The following SLC24A2 variants were observed in gnomAD, a reference collection of about 807,000 sequenced individuals.
The protein encoded by SLC24A2 is solute carrier family 24 member 2, also known as sodium/potassium/calcium exchanger 2.
A neutral mutation model predicts 62.0 loss-of-function variants in SLC24A2; 36 were observed. The observed-to-expected ratio is 0.58, with a 90% CI of 0.44 to 0.77. SLC24A2 has a LOEUF of 0.77. Among genes scored for constraint, SLC24A2 ranks in the 30% least tolerant of loss-of-function variants. The pLI is 0.00. For missense variants in SLC24A2, 846 were observed against 817.9 expected, an observed-to-expected ratio of 1.03 and a Z score of -0.42; for synonymous variants, 358 against 294.0, an observed-to-expected ratio of 1.22 and a Z score of -2.23.
chr9:19,544,103 T>G (rs1476313182), intron 8 of SLC24A2, among the ~76,000 whole-genome samples: 3 of 152,070 alleles, frequency 2.0e-5, no homozygotes, highest in African/African-American at 7.2e-5. Context: ...CCTTATGAAC[T>G]TGGATGCTCC....
chr9:20,080,257 T>C, the SLC24A2 span, among the ~76,000 whole-genome samples: 1 of 152,216 alleles, frequency 6.6e-6, no homozygotes, highest in Non-Finnish European at 1.5e-5. Flanking sequence ...AAAAACAGCA[T>C]GGTACTGTTA....
At chr9:20,247,910 T>A in the SLC24A2 span, among the ~76,000 whole-genome samples, 1 of 152,322 alleles carries the variant, frequency 6.6e-6, no homozygotes, top group Middle Eastern at 3.4e-3. Context: ...ATAATAATAA[T>A]ACCTCCTGCT....
the SLC24A2 span, among the ~76,000 whole-genome samples, chr9:19,879,558 G>A: frequency 6.6e-6 from 1 of 152,120 alleles, no homozygotes; most frequent in African/African-American, 2.4e-5. Context: ...TATCTGAATA[G>A]TAATTTTTTC....
At chr9:20,181,847 C>T in the SLC24A2 span, among the ~76,000 whole-genome samples, 1 of 152,290 alleles carries the variant, frequency 6.6e-6, no homozygotes, top group South Asian at 2.1e-4. Context: ...AATGAATAGG[C>T]AACCTATAGA....
chr9:20,069,119 T>A, the SLC24A2 span, among the ~76,000 whole-genome samples: 1 of 152,206 alleles, frequency 6.6e-6, no homozygotes, highest in African/African-American at 2.4e-5. Context: ...TATCCTTGAC[T>A]TTTTCTTCTC....
At chr9:19,544,496 TGTTA>T (rs1254458089) in intron 8 of SLC24A2, among the ~76,000 whole-genome samples, 1 of 152,156 alleles carries the variant, frequency 6.6e-6, no homozygotes, top group Non-Finnish European at 1.5e-5. Flanking sequence ...TTATTTTGCC[TGTTA>T]GTTGATGTTG....
intron 4 of SLC24A2, among the ~76,000 whole-genome samples, chr9:19,612,946 T>C (rs1837218612): frequency 6.6e-6 from 1 of 152,212 alleles, no homozygotes; most frequent in African/African-American, 2.4e-5. Context: ...ATGGAGAGAA[T>C]GGCTTTGGAA....
the SLC24A2 span, among the ~76,000 whole-genome samples, chr9:20,285,614 C>A: frequency 1.3e-5 from 2 of 152,206 alleles, no homozygotes; most frequent in African/African-American, 2.4e-5. Flanking sequence ...TGCTTTACTC[C>A]ATCTACCAAT....
At chr9:19,727,366 G>A (rs902730969) in intron 2 of SLC24A2, among the ~76,000 whole-genome samples, 2 of 152,120 alleles carry the variant, frequency 1.3e-5, no homozygotes, top group Non-Finnish European at 2.9e-5. Context: ...ACATTAAGCC[G>A]GTGATCATTT....
At chr9:20,168,303 T>C in the SLC24A2 span, among the ~76,000 whole-genome samples, 1 of 151,976 alleles carries the variant, frequency 6.6e-6, no homozygotes, top group African/African-American at 2.4e-5. Context: ...CTTAAAATTA[T>C]TTCAAACTAA....
At chr9:19,756,428 A>G (rs1365699560) in intron 2 of SLC24A2, among the ~76,000 whole-genome samples, 1 of 152,196 alleles carries the variant, frequency 6.6e-6, no homozygotes, top group African/African-American at 2.4e-5. Flanking sequence ...TTAGCTATTG[A>G]TATTCTAACA....
intron 9 of SLC24A2, 29 bp from the exon 10 acceptor site, chr9:19,521,089 C>A: frequency 6.2e-7 from 1 of 1,609,688 alleles, no homozygotes; most frequent in Non-Finnish European, 8.5e-7. Context: ...ATAAACATCT[C>A]AGTGTTTGAA....
At chr9:20,074,606 GA>G in the SLC24A2 span, among the ~76,000 whole-genome samples, 1,998 of 47,056 alleles carry the variant, frequency 0.042, 82 homozygotes, top group East Asian at 0.2. Context: ...AGGAAGGAAA[GA>G]AGGGAGTGAG....
At chr9:20,007,216 C>G in the SLC24A2 span, among the ~76,000 whole-genome samples, 1 of 152,148 alleles carries the variant, frequency 6.6e-6, no homozygotes, top group African/African-American at 2.4e-5. Context: ...AAATCAGACT[C>G]CCTGCTGCAG....
At chr9:20,068,330 G>A in the SLC24A2 span, among the ~76,000 whole-genome samples, 13 of 152,094 alleles carry the variant, frequency 8.5e-5, no homozygotes, top group South Asian at 2.1e-4. Context: ...CCAAAGTGCC[G>A]GAATTACAGG....
chr9:20,107,230 G>T, the SLC24A2 span, among the ~76,000 whole-genome samples: 4 of 152,114 alleles, frequency 2.6e-5, no homozygotes, highest in African/African-American at 9.7e-5. Flanking sequence ...CCATGCTCAT[G>T]GGTAGGAAGA....
the SLC24A2 span, among the ~76,000 whole-genome samples, chr9:19,964,457 G>C: frequency 6.6e-6 from 1 of 152,190 alleles, no homozygotes; most frequent in Non-Finnish European, 1.5e-5. Flanking sequence ...CTAGGTGCAT[G>C]CTAAGTGCCA....
chr9:20,080,956 A>G, the SLC24A2 span, among the ~76,000 whole-genome samples: 2 of 152,294 alleles, frequency 1.3e-5, no homozygotes, highest in East Asian at 1.9e-4. Context: ...TAGAATGGCA[A>G]TCATTAAAAA....
chr9:19,846,468 G>A, the SLC24A2 span, among the ~76,000 whole-genome samples: 1 of 152,182 alleles, frequency 6.6e-6, no homozygotes, highest in South Asian at 2.1e-4. Flanking sequence ...TCTTTACCCT[G>A]ATCCTATGGG....
Sources: allele counts gnomAD v4.1 joint callset (sites outside exome capture counted in the v4.1 genomes callset), GRCh38; gene constraint gnomAD v4.1.1; transcripts MANE v1.5; gene names NCBI Gene and HGNC (gene_info 2026-07-23, HGNC 2026-07-21).